ST7L: variants seen among roughly 807,000 people sequenced by gnomAD.
ST7L encodes the protein suppression of tumorigenicity 7 like.
ST7L carries 57 observed loss-of-function variants against 72.5 expected under a neutral mutation model. The ratio of observed to expected loss-of-function variants is 0.79; its 90% CI spans 0.64 to 0.98. The LOEUF (loss-of-function observed/expected upper bound fraction) is 0.98, where lower values mean the gene tolerates loss of function less well. ST7L is among the 50% of genes least tolerant of loss of function. ST7L has a pLI of 0.00. For synonymous variants in ST7L, 221 were observed against 240.9 expected (o/e 0.92, Z 0.77); for missense variants, 576 against 672.2 (o/e 0.86, Z 1.58).
At chr1:112,598,180 C>A in intron 4 of ST7L, 94 bp from the exon 5 acceptor site, 1 of 747,342 alleles carries the variant, frequency 1.3e-6, no homozygotes, top group Non-Finnish European at 2.1e-6. Context: ...TGTACTGCTA[C>A]ACATTTGGAT....
chr1:112,581,949 G>A, intron 9 of ST7L, 43 bp downstream of exon 9: 1 of 1,244,928 alleles, frequency 8.0e-7, no homozygotes, highest in Non-Finnish European at 1.2e-6. Context: ...TTACATAATT[G>A]GAAAAGAATA....
chr1:112,597,568 T>G (rs1036788022), intron 5 of ST7L, among the ~76,000 whole-genome samples: 10 of 152,234 alleles, frequency 6.6e-5, no homozygotes, highest in Non-Finnish European at 1.5e-4. Context: ...TTTATATGTA[T>G]CTCTAACTCA....
intron 13 of ST7L, among the ~76,000 whole-genome samples, chr1:112,545,892 T>G (rs1352846796): frequency 1.3e-5 from 2 of 152,184 alleles, no homozygotes; most frequent in African/African-American, 4.8e-5. Flanking sequence ...CAATTCTGTT[T>G]TTTGAGATGT....
At chr1:112,571,718 G>A (rs939276804) in intron 11 of ST7L, among the ~76,000 whole-genome samples, 2 of 152,050 alleles carry the variant, frequency 1.3e-5, no homozygotes, top group African/African-American at 4.8e-5. Flanking sequence ...GAGCCACCAC[G>A]CCCAGCCTAT....
chr1:112,609,422 T>C (rs190785758), intron 3 of ST7L, among the ~76,000 whole-genome samples: 2 of 151,966 alleles, frequency 1.3e-5, no homozygotes, highest in African/African-American at 4.8e-5. Flanking sequence ...TTTCAGCTAC[T>C]TGGGAGGCTG....
At chr1:112,570,430 T>C (rs769909719) in intron 11 of ST7L, among the ~76,000 whole-genome samples, 1 of 152,018 alleles carries the variant, frequency 6.6e-6, no homozygotes, top group Non-Finnish European at 1.5e-5. Flanking sequence ...ATTTCTGTTG[T>C]AGTTATGTGG....
chr1:112,570,545 G>GTATATATATATATATATA (rs71584748), intron 11 of ST7L, among the ~76,000 whole-genome samples: 210 of 130,742 alleles, frequency 1.6e-3, no homozygotes, highest in Non-Finnish European at 2.7e-3. Flanking sequence ...AATAAAAGAT[G>GTATATATATATATATATA]TATATATATA....
At chr1:112,598,650 A>C (rs1320395187) in intron 4 of ST7L, among the ~76,000 whole-genome samples, 2 of 152,090 alleles carry the variant, frequency 1.3e-5, no homozygotes, top group African/African-American at 4.8e-5. Flanking sequence ...TTGAGACACA[A>C]AATGAAGCCT....
chr1:112,572,905 A>C (rs1662377891), intron 11 of ST7L, among the ~76,000 whole-genome samples: 2 of 152,174 alleles, frequency 1.3e-5, no homozygotes, highest in Non-Finnish European at 2.9e-5. Context: ...AAGTTGAAGG[A>C]AGGCAATAAA....
downstream of ST7L, chr1:112,520,353 T>A: frequency 6.2e-7 from 1 of 1,614,166 alleles, no homozygotes; most frequent in Non-Finnish European, 8.5e-7. Flanking sequence ...TCATGTGCTG[T>A]GGCCGAGGGT....
chr1:112,589,570 G>C (rs1310217474), intron 6 of ST7L, among the ~76,000 whole-genome samples: 1 of 152,150 alleles, frequency 6.6e-6, no homozygotes, highest in Non-Finnish European at 1.5e-5. Context: ...TGACTTTTCT[G>C]AACCAATTTT....
intron 2 of ST7L, among the ~76,000 whole-genome samples, chr1:112,615,555 A>C (rs1669738911): frequency 1.3e-5 from 2 of 152,242 alleles, no homozygotes; most frequent in South Asian, 4.2e-4. Flanking sequence ...CATGCCTGTA[A>C]TCCCAGCTAC....
intron 11 of ST7L, among the ~76,000 whole-genome samples, chr1:112,569,408 T>C (rs548087931): frequency 6.6e-6 from 1 of 152,262 alleles, no homozygotes; most frequent in East Asian, 1.9e-4. Flanking sequence ...ATATGCTACA[T>C]TATGCTAAGT....
At chr1:112,572,306 C>G (rs1662276008) in intron 11 of ST7L, among the ~76,000 whole-genome samples, 1 of 152,192 alleles carries the variant, frequency 6.6e-6, no homozygotes, top group African/African-American at 2.4e-5. Flanking sequence ...AACTTAAAGT[C>G]ACCAGCTGCA....
intron 6 of ST7L, among the ~76,000 whole-genome samples, chr1:112,589,707 G>C (rs1665401424): frequency 1.3e-5 from 2 of 152,174 alleles, no homozygotes; most frequent in Non-Finnish European, 2.9e-5. Context: ...AACACAAAAA[G>C]CAAAAGTATT....
intron 11 of ST7L, among the ~76,000 whole-genome samples, chr1:112,560,486 G>C (rs1659941574): frequency 6.6e-6 from 1 of 152,068 alleles, no homozygotes; most frequent in Non-Finnish European, 1.5e-5. Context: ...CAAAATATAA[G>C]AGAAAAATTT....
At chr1:112,560,941 C>T (rs1208103061) in intron 11 of ST7L, among the ~76,000 whole-genome samples, 2 of 145,714 alleles carry the variant, frequency 1.4e-5, no homozygotes, top group Non-Finnish European at 3.0e-5. Context: ...CCAGCCTGGG[C>T]GACAACAGCA....
intron 13 of ST7L, among the ~76,000 whole-genome samples, 155 bp from the exon 14 acceptor site, chr1:112,542,245 T>C (rs566567366): frequency 2.0e-5 from 3 of 152,212 alleles, no homozygotes; most frequent in Non-Finnish European, 4.4e-5. Flanking sequence ...CAGTTATCCA[T>C]TATTTATCCC....
Position 112,618,907 on chromosome 1 carries a change from A to T in ST7L, c.205+2T>A. ...CTGCCCCAGGAGGTCTGGTCCTCTCACCCGCTGCCAAATTCTCACACAGCC... is the reference window on the plus strand; with the variant it reads ...CTGCCCCAGGAGGTCTGGTCCTCTCTCCCGCTGCCAAATTCTCACACAGCC... On this transcript the variant is annotated splice_donor_variant, in intron 1 of 14. Coordinates refer to ENST00000358039, the MANE Select transcript of ST7L (RefSeq NM_017744.5). LOFTEE classifies it high-confidence loss of function. 1 of 1,555,078 alleles carries T rather than the reference A, an allele frequency of 6.4e-7. No homozygotes were observed. The highest frequency in any genetic ancestry group is 1.2e-5 in the South Asian group (1 of 84,586).
Sources: gnomAD v4.1 joint callset for allele counts (sites outside exome capture counted in the v4.1 genomes callset) on GRCh38, gnomAD v4.1.1 for gene constraint, MANE v1.5 for transcripts, NCBI Gene and HGNC (gene_info 2026-07-23, HGNC 2026-07-21) for gene names.